OPHN1: variants seen among roughly 807,000 people sequenced by gnomAD.
OPHN1 encodes oligophrenin-1.
A neutral mutation model predicts 60.7 loss-of-function variants in OPHN1; 11 were observed. The ratio of observed to expected loss-of-function variants is 0.18; its 90% CI spans 0.11 to 0.30. The LOEUF (loss-of-function observed/expected upper bound fraction) is 0.30. OPHN1 is among the 10% of genes least tolerant of loss of function. OPHN1 has a pLI of 1.00. For missense variants in OPHN1, 449 were observed against 611.0 expected, an observed-to-expected ratio of 0.73 and a Z score of 2.80; for synonymous variants, 226 against 222.6, an observed-to-expected ratio of 1.02 and a Z score of -0.14.
In OPHN1 at chrX:68,047,159, A is replaced by C. The variant is rs147048499; in HGVS notation, c.*13T>G. 8.9e-6 allele frequency: 1 copy of C among 112,025 alleles called. No individual in the cohort carries two copies. The highest frequency in any genetic ancestry group is 2.8e-4 in the East Asian group (1 of 3,544). 9.2% of individuals were successfully genotyped at this position (112,025 alleles called of 1,213,427 possible). A position where few individuals can be genotyped will look rare whatever the true frequency, so the allele number is the denominator to read the frequency against. The stretch of plus-strand genomic sequence containing the variant: ...AGGGTCCTCTGAGGCCAAGGCTTTT[A>C]AAACCTGAAAGAGAAAGAAGAGAGT... On this transcript the variant is annotated 3_prime_UTR_variant, in exon 25 of 25. Coordinates refer to ENST00000355520, the MANE Select transcript of OPHN1 (RefSeq NM_002547.3).
At chrX:68,118,592 T>A in intron 16 of OPHN1, among the ~76,000 whole-genome samples, 1 of 111,309 alleles carries the variant, frequency 9.0e-6, no homozygotes. Flanking sequence ...ACATAAAGAG[T>A]GGTAAGAAAT....
intron 15 of OPHN1, among the ~76,000 whole-genome samples, chrX:68,134,412 T>C (rs879013124): frequency 9.0e-6 from 1 of 111,475 alleles, no homozygotes; most frequent in Non-Finnish European, 1.9e-5. Flanking sequence ...TACAAATGTG[T>C]GGTGAGAAAT....
intron 2 of OPHN1, among the ~76,000 whole-genome samples, chrX:68,305,915 G>A (rs2078142866): frequency 8.9e-6 from 1 of 112,049 alleles, no homozygotes; most frequent in South Asian, 3.8e-4. Context: ...TAAGACACAG[G>A]AAACAATAGT....
Position 68,193,850 on chromosome X carries a change from C to T in OPHN1, c.1201+40G>A, listed in dbSNP as rs752730214. ...ATTGCCCAGGATAAAATCAGAGTGA[C>T]GAGATTCAGACAATGCCAAGACTAT... On this transcript the variant is annotated intron_variant, in intron 14 of 24. Transcript: ENST00000355520. The T allele has an allele frequency of 3.7e-5, 40 of 1,082,696 alleles. 1 individual carries two copies. The Middle Eastern group carries it at 4.9e-3, about 132-fold the overall frequency. 89.2% of individuals were successfully genotyped at this position (1,082,696 alleles called of 1,213,427 possible).
Position 68,119,876 on chromosome X carries a change from T to C in OPHN1, c.1277-544A>G, listed in dbSNP as rs746907763. On this transcript the variant is annotated intron_variant, in intron 15 of 24. Coordinates refer to ENST00000355520, the MANE Select transcript of OPHN1 (RefSeq NM_002547.3). ...TGATGGTGAAAAATCCCCTCATGCTTCCAGCAGGGGGGAAAGATAAGTAGT... is the reference window on the plus strand; with the variant it reads ...TGATGGTGAAAAATCCCCTCATGCTCCCAGCAGGGGGGAAAGATAAGTAGT... Among the ~76,000 whole-genome samples, 11 of 111,670 alleles carry C rather than the reference T, an allele frequency of 9.9e-5. No individual in the cohort carries two copies. In the East Asian group the frequency reaches 2.8e-3, roughly 29 times the overall value.
At chrX:68,384,294 T>C (rs986764892) in intron 2 of OPHN1, among the ~76,000 whole-genome samples, 1 of 111,805 alleles carries the variant, frequency 8.9e-6, no homozygotes, top group Non-Finnish European at 1.9e-5. Context: ...ATGCTCTAGG[T>C]AAATTCCATA....
intron 2 of OPHN1, among the ~76,000 whole-genome samples, chrX:68,350,195 T>C (rs2078400461): frequency 9.0e-6 from 1 of 111,439 alleles, no homozygotes; most frequent in African/African-American, 3.3e-5. Context: ...TATATGAAAG[T>C]ATCAAATTAT....
chrX:68,330,765 TA>T (rs977418240), intron 2 of OPHN1, among the ~76,000 whole-genome samples: 3 of 109,166 alleles, frequency 2.7e-5, no homozygotes, highest in Non-Finnish European at 5.7e-5. Flanking sequence ...ATTCCACTTG[TA>T]AAAAAAATTT....
At chrX:68,253,126 C>T (rs1052746106) in intron 5 of OPHN1, among the ~76,000 whole-genome samples, 4 of 111,292 alleles carry the variant, frequency 3.6e-5, no homozygotes. Context: ...AAAAATACAC[C>T]CCTTGATTTT....
chrX:68,136,438 G>C (rs1194684649), intron 15 of OPHN1, among the ~76,000 whole-genome samples: 1 of 107,738 alleles, frequency 9.3e-6, no homozygotes, highest in Non-Finnish European at 1.9e-5. Flanking sequence ...CGAGTAGCTG[G>C]GACTACAGGT....
intron 15 of OPHN1, among the ~76,000 whole-genome samples, chrX:68,155,883 T>C (rs185495525): frequency 2.7e-5 from 3 of 112,113 alleles, no homozygotes; most frequent in East Asian, 2.8e-4. Flanking sequence ...GGTTATGGTA[T>C]GGCAAGTACC....
intron 12 of OPHN1, among the ~76,000 whole-genome samples, chrX:68,194,989 AGAGAG>A (rs1309498326): frequency 0.019 from 1,792 of 93,331 alleles, 95 homozygotes; most frequent in African/African-American, 0.07. Context: ...AGAAAGAAAG[AGAGAG>A]AGAGAAAGAA....
chrX:68,336,673 AGT>A (rs758147589), intron 2 of OPHN1, among the ~76,000 whole-genome samples: 33,860 of 104,524 alleles, frequency 0.32, 7,247 homozygotes, highest in African/African-American at 0.77. Flanking sequence ...TGTGTGTGAG[AGT>A]GTGTGTGTGT....
chrX:68,167,711 A>ATG (rs769483027), intron 15 of OPHN1, among the ~76,000 whole-genome samples: 147 of 74,593 alleles, frequency 2.0e-3, no homozygotes, highest in Non-Finnish European at 2.1e-3. Flanking sequence ...ATATGTGTAT[A>ATG]TGTGTGTGTG....
intron 4 of OPHN1, 90 bp from the exon 5 acceptor site, chrX:68,274,899 C>T: frequency 1.6e-6 from 1 of 619,974 alleles, no homozygotes; most frequent in Non-Finnish European, 2.6e-6. Flanking sequence ...CATTTATATA[C>T]CAACCTGCAA....
Position 68,149,802 on chromosome X carries a change from C to CA in OPHN1, c.1277-30471dup, listed in dbSNP as rs751179317. On this transcript the variant is annotated intron_variant, in intron 15 of 24. Transcript: ENST00000355520. ...TGTAATTCTACTCCTAGTTATATAC[C>CA]AAAAAAAAAAAATTTAAAACAGACA... Among the ~76,000 whole-genome samples the CA allele has an allele frequency of 5.8e-3, 576 of 99,983 alleles. 12 individuals are homozygous for CA. The East Asian group carries it at 0.093, about 16-fold the overall frequency. 86.8% of individuals were successfully genotyped at this position (99,983 alleles called of 115,157 possible).
chrX:68,310,994 C>T (rs1279459877), intron 2 of OPHN1, among the ~76,000 whole-genome samples: 1 of 112,224 alleles, frequency 8.9e-6, no homozygotes, highest in Non-Finnish European at 1.9e-5. Context: ...ATGGCTCATG[C>T]CTGTAATTCC....
At chrX:68,251,434 T>C in intron 5 of OPHN1, among the ~76,000 whole-genome samples, 2 of 109,616 alleles carry the variant, frequency 1.8e-5, no homozygotes, top group South Asian at 8.0e-4. Context: ...TCCACCTGCC[T>C]TGGCCTCCCA....
intron 2 of OPHN1, among the ~76,000 whole-genome samples, chrX:68,351,877 T>C (rs865784916): frequency 2.5e-5 from 2 of 79,091 alleles, no homozygotes; most frequent in Non-Finnish European, 4.8e-5. Context: ...TTTTTTCTTT[T>C]TTTTTTTTTT....
Sources: gnomAD v4.1 joint callset for allele counts (sites outside exome capture counted in the v4.1 genomes callset) on GRCh38, gnomAD v4.1.1 for gene constraint, MANE v1.5 for transcripts, NCBI Gene and HGNC (gene_info 2026-07-23, HGNC 2026-07-21) for gene names.